The following FLNA variants were observed in gnomAD, a reference collection of about 807,000 sequenced individuals.
FLNA encodes filamin-A.
In FLNA, 7 loss-of-function variants were observed where a neutral mutation model predicts 157.6. The ratio of observed to expected loss-of-function variants is 0.04; its 90% confidence interval spans 0.03 to 0.08. The LOEUF (loss-of-function observed/expected upper bound fraction) is 0.08. Ranked by LOEUF, FLNA falls within the 10% of genes least tolerant of loss-of-function variation. FLNA has a pLI of 1.00. For synonymous variants in FLNA, 1,103 were observed against 1,060.8 expected (o/e 1.04, Z -0.77); for missense variants, 1,750 against 2,398.4 (o/e 0.73, Z 5.65).
In FLNA at chrX:154,354,299, G is replaced by A. The variant is rs782765679; in HGVS notation, c.5417-8C>T. On this transcript the variant is annotated splice_polypyrimidine_tract_variant and splice_region_variant and intron_variant, in intron 33 of 47. Transcript: ENST00000369850. ...AGGGCATCCGAACCTCCCCTGTGGGGCAGTGGGGCTGAGGTCAGGGCAGCT... is the reference window on the plus strand; with the variant it reads ...AGGGCATCCGAACCTCCCCTGTGGGACAGTGGGGCTGAGGTCAGGGCAGCT... 1 of 1,211,956 alleles carries A rather than the reference G, an allele frequency of 8.3e-7. No homozygotes were observed. The highest frequency in any genetic ancestry group is 1.7e-5 in the African/African-American group (1 of 58,100).
At chrX:154,362,968 A>G (rs1484634464) in intron 15 of FLNA, among the ~76,000 whole-genome samples, 184 bp from the exon 16 acceptor site, 1 of 112,217 alleles carries the variant, frequency 8.9e-6, no homozygotes, top group African/African-American at 3.2e-5. Context: ...TACCCAAGAG[A>G]AATGAAAGCA....
chrX:154,354,352 C>T, intron 33 of FLNA, 29 bp downstream of exon 33: 1 of 1,211,072 alleles, frequency 8.3e-7, no homozygotes, highest in East Asian at 3.0e-5. Context: ...CTCCTTGGCT[C>T]CCGAGCTCCT....
intron 12 of FLNA, 21 bp from the exon 13 acceptor site, chrX:154,364,740 C>T: frequency 8.3e-7 from 1 of 1,209,769 alleles, no homozygotes. Flanking sequence ...CCACCAGTCC[C>T]CTCAGTGCCC....
chrX:154,349,944 C>T, intron 45 of FLNA, 77 bp from the exon 46 acceptor site: 1 of 1,179,886 alleles, frequency 8.5e-7, no homozygotes, highest in Non-Finnish European at 1.2e-6. Flanking sequence ...GGCTTGTCAC[C>T]TCCAGGTGCC....
Position 154,359,546 on chromosome X carries a change from G to T in FLNA, c.4080C>A (p.Val1360=). 1 of 1,211,238 alleles carries T rather than the reference G, an allele frequency of 8.3e-7. No individual in the cohort carries two copies. Among genetic ancestry groups the T allele is most frequent in the Non-Finnish European group, 1.1e-6 (1 of 895,370 alleles). The change falls in exon 24 of 48, where the codon GTC becomes GTA. Residue 1360 remains valine, a synonymous_variant. Coordinates refer to ENST00000369850, the MANE Select transcript of FLNA (RefSeq NM_001110556.2). Reference sequence around the variant, plus strand: ...TGCCACTTTGGATGCCTGGCCCGTGGACACGCACCCGGGAGGGGTCGCAGC... The same window carrying T: ...TGCCACTTTGGATGCCTGGCCCGTGTACACGCACCCGGGAGGGGTCGCAGC... ...TEGCDPSRVR[V]HGPGIQSGTT...
intron 22 of FLNA, 30 bp from the exon 23 acceptor site, chrX:154,359,935 C>T (rs781962578): frequency 8.3e-7 from 1 of 1,206,457 alleles, no homozygotes; most frequent in African/African-American, 1.8e-5. Flanking sequence ...AGGCTTGGGG[C>T]TCGGGGGTTC....
Position 154,366,041 on chromosome X carries a change from G to A in FLNA, c.1412C>T (p.Thr471Ile). The stretch of plus-strand genomic sequence containing the variant: ...GGGCCTACCTTGGCCAACAGTGACA[G>A]TGTAGGGGCTGCGAGGGATGGGCAC... ...AGVPIPRSPY[T>I]VTVGQACNPS... The change falls in exon 9 of 48, where the codon ACT (threonine) becomes ATT (isoleucine). Residue 471 changes from threonine to isoleucine, a missense_variant. This residue lies in a region of FLNA where 648 missense variants were observed against 805.8 expected (regional missense o/e 0.80). Coordinates refer to ENST00000369850, the MANE Select transcript of FLNA (RefSeq NM_001110556.2). The A allele has an allele frequency of 8.3e-7, 1 of 1,207,264 alleles. No individual in the cohort carries two copies. The highest frequency in any genetic ancestry group is 1.1e-6 in the Non-Finnish European group (1 of 893,639).
intron 44 of FLNA, chrX:154,350,669 T>G (rs2067611938): frequency 2.4e-6 from 1 of 414,544 alleles, no homozygotes; most frequent in Non-Finnish European, 4.3e-6. Context: ...GGCTGGACTT[T>G]GAGTCTTTCC....
chrX:154,360,162 G>A lies in FLNA; in HGVS notation c.3633C>T (p.Asp1211=), dbSNP rs191865582. 3 of 1,208,917 alleles carry A rather than the reference G, an allele frequency of 2.5e-6. No homozygotes were observed. The East Asian group carries it at 8.9e-5, about 36-fold the overall frequency. The change falls in exon 22 of 48, where the codon GAC becomes GAT. Residue 1211 remains aspartate (D), a synonymous_variant. Coordinates refer to ENST00000369850, the MANE Select transcript of FLNA (RefSeq NM_001110556.2). ...TAATGGTGTGCGTGCCATCACCGTG[G>A]TCCTGGATGTACACCTCGGCCGGAA... ...AGLPAEVYIQ[D]HGDGTHTITY...
chrX:154,359,714 G>A lies in FLNA; in HGVS notation c.3979+18C>T. ...CACCCACCCCGTCTGCCAGCCTGTG[G>A]GAGTCCCCAGCACGCACCCTCCTCG... On this transcript the variant is annotated intron_variant, in intron 23 of 47. Coordinates refer to ENST00000369850, the MANE Select transcript of FLNA (RefSeq NM_001110556.2). The A allele has an allele frequency of 8.3e-7, 1 of 1,210,897 alleles. No homozygotes were observed. Among genetic ancestry groups the A allele is most frequent in the Non-Finnish European group, 1.1e-6 (1 of 895,390 alleles).
chrX:154,360,989 G>A (rs1289809799), intron 21 of FLNA, among the ~76,000 whole-genome samples: 3 of 91,135 alleles, frequency 3.3e-5, no homozygotes, highest in Admixed American at 1.3e-4. Flanking sequence ...GGAGGGTGCC[G>A]TGAGCCAATA....
intron 30 of FLNA, among the ~76,000 whole-genome samples, chrX:154,355,449 G>A (rs1354236852): frequency 6.1e-5 from 7 of 113,900 alleles, no homozygotes; most frequent in Non-Finnish European, 9.3e-5. Flanking sequence ...GGCTGCCTGC[G>A]CCCTTCTGGC....
rs371610658 is a variant in FLNA, at chrX:154,348,806, G to T, written c.*43C>A. The T allele has an allele frequency of 5.2e-6, 6 of 1,149,831 alleles. No homozygotes were observed. The highest frequency in any genetic ancestry group is 7.1e-6 in the Non-Finnish European group (6 of 848,680). The allele number at this position is 1,149,831 out of a possible 1,213,427, so 94.8% of individuals were successfully genotyped here. A position where few individuals can be genotyped will look rare whatever the true frequency, so the allele number is the denominator to read the frequency against. ...GGAAGAGGGCGGGGCTGCTTGGGTA[G>T]CGGGGCAGGCTTGGGGGCTGCCGGC... On this transcript the variant is annotated 3_prime_UTR_variant, in exon 48 of 48. Transcript: ENST00000369850.
Position 154,351,109 on chromosome X carries a change from C to T in FLNA, c.7024-68G>A, listed in dbSNP as rs189003899. On this transcript the variant is annotated intron_variant, in intron 43 of 47. Coordinates refer to ENST00000369850, the MANE Select transcript of FLNA (RefSeq NM_001110556.2). ...AGGGCAAGGGAGGACGGAAAGGCCC[C>T]AGGAGCAAGAGGCCCGCGGGTCGCA... 4.4e-5 allele frequency: 51 copies of T among 1,152,398 alleles called. No homozygotes were observed. In the Admixed American group the frequency reaches 7.0e-4, roughly 16 times the overall value. The allele number at this position is 1,152,398 out of a possible 1,213,427, so 95.0% of individuals were successfully genotyped here.
chrX:154,362,037 A>G lies in FLNA; in HGVS notation c.2768T>C (p.Val923Ala), dbSNP rs2067715702. ...GTTGTCATGGTGGTCGATGATGTCC[A>G]CATCTCGCACTGCATCCCCCTTGGT... is the stretch of plus-strand genomic sequence containing the variant. ...GLTKGDAVRD[V>A]DIIDHHDNTY... is the part of the protein sequence containing the mutation. Residue 923 changes from valine (V) to alanine (A), a missense_variant, in exon 19 of 48, where the codon GTG (valine) becomes GCG (alanine). Transcript: ENST00000369850. 1 of 1,210,167 alleles carries G rather than the reference A, an allele frequency of 8.3e-7. No homozygotes were observed. Among genetic ancestry groups the G allele is most frequent in the African/African-American group, 1.7e-5 (1 of 57,427 alleles).
Position 154,364,698 on chromosome X carries a change from G to A in FLNA, c.1850C>T (p.Ser617Leu), listed in dbSNP as rs782193139. The A allele has an allele frequency of 9.1e-6, 11 of 1,207,897 alleles. No homozygotes were observed. The East Asian group carries it at 1.5e-4, about 16-fold the overall frequency. ...GTCGTCACATTCGATCTTAGCCTGC[G>A]ATGGCCCTTCCACCGAGAAGCCTGA... ...GTLGFSVEGP[S>L]QAKIECDDKG... The change falls in exon 13 of 48, where the codon TCG becomes TTG. Residue 617 changes from serine (S) to leucine (L), a missense_variant. Ser to Leu is a moderately radical substitution (Grantham distance 145, BLOSUM62 -2). Around this residue, in one of 5 missense-constraint regions of FLNA, gnomAD observed 648 missense variants for 805.8 expected, o/e 0.80. Coordinates refer to ENST00000369850, the MANE Select transcript of FLNA (RefSeq NM_001110556.2).
chrX:154,357,220 G>A (rs782752942), intron 30 of FLNA, 31 bp downstream of exon 30: 3 of 1,198,082 alleles, frequency 2.5e-6, no homozygotes, highest in Non-Finnish European at 3.4e-6. Flanking sequence ...GGCAGGAGGG[G>A]CATTGGGAGT....
chrX:154,351,738 G>T (rs782557098), intron 42 of FLNA, 42 bp from the exon 43 acceptor site: 68 of 1,114,035 alleles, frequency 6.1e-5, no homozygotes, highest in Non-Finnish European at 8.6e-6. Flanking sequence ...TCAGCCTTTG[G>T]GCCTCCCACC....
chrX:154,367,597 C>A lies in FLNA; in HGVS notation c.720+44G>T, dbSNP rs371231920. On this transcript the variant is annotated intron_variant, in intron 4 of 47. Transcript: ENST00000369850. ...CGGGCCTCCGAGTCTCTCCCAACTG[C>A]CGATCCGGTCCCCTACAGCTGTAGC... 58 of 1,209,281 alleles carry A rather than the reference C, an allele frequency of 4.8e-5. No individual in the cohort carries two copies. In the African/African-American group the frequency reaches 8.7e-4, roughly 18 times the overall value.
Sources: gnomAD v4.1 joint callset for allele counts (sites outside exome capture counted in the v4.1 genomes callset) on GRCh38, gnomAD v4.1.1 for gene constraint, gnomAD v4.1.1 regional missense constraint, MANE v1.5 for transcripts, NCBI Gene and HGNC (gene_info 2026-07-23, HGNC 2026-07-21) for gene names.